PRXL2C: variants seen among roughly 807,000 people sequenced by gnomAD.
The protein encoded by PRXL2C is peroxiredoxin-like 2C.
In PRXL2C, 38 loss-of-function variants were observed where a neutral mutation model predicts 24.9. That is an observed-to-expected ratio of 1.53 (90% confidence interval 1.18 to 2.00). PRXL2C has a LOEUF of 2.00. Among genes scored for constraint, PRXL2C ranks in the 30% most tolerant of loss-of-function variants. PRXL2C has a pLI of 0.00. For synonymous variants in PRXL2C, 98 were observed against 117.2 expected (o/e 0.84, Z 1.06); for missense variants, 294 against 290.9 (o/e 1.01, Z -0.08).
At chr9:96,647,129 C>T (rs991039835) in intron 4 of PRXL2C, among the ~76,000 whole-genome samples, 1 of 152,172 alleles carries the variant, frequency 6.6e-6, no homozygotes, top group Non-Finnish European at 1.5e-5. Flanking sequence ...TAACCTCCTA[C>T]CATGTCATGC....
intron 5 of PRXL2C, among the ~76,000 whole-genome samples, chr9:96,644,910 T>C (rs1398855753): frequency 9.6e-6 from 1 of 104,664 alleles, no homozygotes; most frequent in Non-Finnish European, 1.7e-5. Context: ...TTTTTTTTTT[T>C]TTTTTTGAGG....
rs921126451 is a variant in PRXL2C, at chr9:96,640,649, A to G, written c.*1110T>C. 2 of 150,302 alleles carry G rather than the reference A, an allele frequency of 1.3e-5. No homozygotes were observed. The highest frequency in any genetic ancestry group is 3.9e-4 in the East Asian group (2 of 5,104). The allele number at this position is 150,302 out of a possible 1,614,324, so 9.3% of individuals were successfully genotyped here. Reference sequence around the variant, plus strand: ...AAGACCATCCTGGCTGTTATAACACAGTGAAACCCCGTCTCTAATAAAAAT... The same window carrying G: ...AAGACCATCCTGGCTGTTATAACACGGTGAAACCCCGTCTCTAATAAAAAT... On this transcript the variant is annotated 3_prime_UTR_variant, in exon 6 of 6. Coordinates refer to ENST00000375234, the MANE Select transcript of PRXL2C (RefSeq NM_153698.2).
chr9:96,644,437 C>A, intron 5 of PRXL2C, among the ~76,000 whole-genome samples: 1 of 152,130 alleles, frequency 6.6e-6, no homozygotes, highest in East Asian at 1.9e-4. Flanking sequence ...GTGGTCCACA[C>A]CCATCAATAA....
chr9:96,645,786 G>A, intron 5 of PRXL2C, 107 bp downstream of exon 5: 1 of 1,298,422 alleles, frequency 7.7e-7, no homozygotes, highest in Non-Finnish European at 1.0e-6. Flanking sequence ...GACAGAGCGA[G>A]ACTCCCTCTC....
At chr9:96,653,022 T>C (rs1468618535) in intron 2 of PRXL2C, among the ~76,000 whole-genome samples, 2 of 152,076 alleles carry the variant, frequency 1.3e-5, no homozygotes, top group African/African-American at 2.4e-5. Context: ...GGTCAGGAGA[T>C]GGAGACCATA....
intron 3 of PRXL2C, 48 bp downstream of exon 3, chr9:96,651,611 T>C (rs369742560): frequency 1.3e-6 from 2 of 1,570,220 alleles, no homozygotes; most frequent in African/African-American, 1.4e-5. Context: ...AATTTTTATG[T>C]CTGAAACAGA....
intron 5 of PRXL2C, among the ~76,000 whole-genome samples, 155 bp downstream of exon 5, chr9:96,645,738 A>T (rs1168413243): frequency 1.3e-5 from 2 of 151,250 alleles, no homozygotes; most frequent in East Asian, 2.0e-4. Context: ...CAGAGCTTGC[A>T]GTGAGCCGAG....
chr9:96,643,855 C>T (rs1201291807), intron 5 of PRXL2C, among the ~76,000 whole-genome samples: 1 of 151,948 alleles, frequency 6.6e-6, no homozygotes, highest in African/African-American at 2.4e-5. Context: ...ATGGTATTGG[C>T]TGGGTGTGGT....
At chr9:96,648,454 AAATTAT>A (rs1209017978) in intron 4 of PRXL2C, among the ~76,000 whole-genome samples, 9 of 151,936 alleles carry the variant, frequency 5.9e-5, no homozygotes, top group Admixed American at 1.3e-4. Context: ...CATTAATTTT[AAATTAT>A]AATTATATAA....
intron 1 of PRXL2C, 31 bp from the exon 2 acceptor site, chr9:96,654,804 TA>T (rs1564411162): frequency 6.5e-7 from 1 of 1,545,850 alleles, no homozygotes; most frequent in Non-Finnish European, 8.8e-7. Context: ...AAGGGCAAGT[TA>T]GTAAAGCAGC....
chr9:96,653,701 C>T (rs1158963594), intron 2 of PRXL2C, among the ~76,000 whole-genome samples: 1 of 152,060 alleles, frequency 6.6e-6, no homozygotes, highest in Non-Finnish European at 1.5e-5. Context: ...TAAACACATA[C>T]AATTATATAT....
intron 5 of PRXL2C, among the ~76,000 whole-genome samples, chr9:96,643,866 G>T (rs577511372): frequency 2.0e-5 from 3 of 152,048 alleles, no homozygotes; most frequent in African/African-American, 7.2e-5. Flanking sequence ...TGGGTGTGGT[G>T]GCTCACACCT....
At position 96,639,793 on chromosome 9, in the gene PRXL2C, T is replaced by C. The variant is rs1412198451; in HGVS notation, c.*1966A>G. 6.6e-6 allele frequency: 1 copy of C among 152,126 alleles called. No homozygotes were observed. The highest frequency in any genetic ancestry group is 1.5e-5 in the Non-Finnish European group (1 of 68,028). 9.4% of individuals were successfully genotyped at this position (152,126 alleles called of 1,614,324 possible). On this transcript the variant is annotated 3_prime_UTR_variant, in exon 6 of 6. Transcript: ENST00000375234. ...TGGGACACCTCCCAACTAAACATAT[T>C]AAGATTCTAGAAAAATAGGCCGGGC...
intron 5 of PRXL2C, among the ~76,000 whole-genome samples, chr9:96,642,466 T>C (rs1219527235): frequency 6.6e-6 from 1 of 152,170 alleles, no homozygotes; most frequent in African/African-American, 2.4e-5. Context: ...AAATTTACAA[T>C]CTAGTTTCTG....
intron 5 of PRXL2C, 32 bp downstream of exon 5, chr9:96,645,861 G>T: frequency 6.4e-7 from 1 of 1,566,172 alleles, no homozygotes; most frequent in Non-Finnish European, 8.6e-7. Flanking sequence ...AGCACAAGAC[G>T]TCTACTGCTG....
At chr9:96,642,067 C>A (rs1052832226) in intron 5 of PRXL2C, among the ~76,000 whole-genome samples, 181 bp from the exon 6 acceptor site, 7 of 151,884 alleles carry the variant, frequency 4.6e-5, no homozygotes, top group Non-Finnish European at 1.0e-4. Context: ...TAAAGTATGA[C>A]AAGGATTATG....
At position 96,654,692 on chromosome 9, in the gene PRXL2C, C is replaced by G; in HGVS notation, c.261+13G>C. Reference sequence around the variant, plus strand: ...AGAAGCGGGCACTGGGCCGCCCACGCTGGGAAACTCACTTGTAAGAAACTC... The same window carrying G: ...AGAAGCGGGCACTGGGCCGCCCACGGTGGGAAACTCACTTGTAAGAAACTC... On this transcript the variant is annotated intron_variant, in intron 2 of 5. Coordinates refer to ENST00000375234, the MANE Select transcript of PRXL2C (RefSeq NM_153698.2). 6.4e-7 allele frequency: 1 copy of G among 1,556,422 alleles called. No individual in the cohort carries two copies. The highest frequency in any genetic ancestry group is 2.4e-5 in the East Asian group (1 of 41,958).
chr9:96,643,852 T>C (rs998459694), intron 5 of PRXL2C, among the ~76,000 whole-genome samples: 22 of 151,724 alleles, frequency 1.5e-4, no homozygotes, highest in African/African-American at 5.3e-4. Context: ...AATATGGTAT[T>C]GGCTGGGTGT....
intron 4 of PRXL2C, among the ~76,000 whole-genome samples, chr9:96,650,538 T>C (rs1203906020): frequency 6.6e-6 from 1 of 152,008 alleles, no homozygotes; most frequent in Non-Finnish European, 1.5e-5. Flanking sequence ...CAGGGTGCTG[T>C]GAAAGCAAAA....
Sources: gnomAD v4.1 joint callset for allele counts (sites outside exome capture counted in the v4.1 genomes callset) on GRCh38, gnomAD v4.1.1 for gene constraint, MANE v1.5 for transcripts, NCBI Gene and HGNC (gene_info 2026-07-23, HGNC 2026-07-21) for gene names.